Variants in CYRIB observed in about 807,000 individuals in gnomAD.
CYRIB encodes the protein CYFIP-related Rac1 interactor B.
In CYRIB, 8 loss-of-function variants were observed where a neutral mutation model predicts 44.2. The observed-to-expected ratio is 0.18, with a 90% CI of 0.11 to 0.33. The LOEUF is 0.33. CYRIB is among the 10% of genes least tolerant of loss of function. The pLI is 1.00. For synonymous variants in CYRIB, 131 were observed against 127.2 expected, an observed-to-expected ratio of 1.03 and a Z score of -0.20; for missense variants, 185 against 382.8, an observed-to-expected ratio of 0.48 and a Z score of 4.31.
At position 129,850,688 on chromosome 8, in the gene CYRIB, G is replaced by C. The variant is rs1406535888; in HGVS notation, c.713+147C>G. 5 of 671,688 alleles carry C rather than the reference G, an allele frequency of 7.4e-6. No homozygotes were observed. The African/African-American group carries it at 9.2e-5, about 12-fold the overall frequency. The allele number at this position is 671,688 out of a possible 1,614,324, so 41.6% of individuals were successfully genotyped here. A position where few individuals can be genotyped will look rare whatever the true frequency, so the allele number is the denominator to read the frequency against. On this transcript the variant is annotated intron_variant, in intron 9 of 11. Coordinates refer to ENST00000519824, the Ensembl canonical transcript of CYRIB. ...TAAATAGCCAAATTATTTTAAGTTT[G>C]TTCATATATTAACATTCAATATTTG... is the stretch of plus-strand genomic sequence containing the variant.
At chr8:129,892,528 A>G (rs1209075304) in intron 2 of CYRIB, among the ~76,000 whole-genome samples, 2 of 151,750 alleles carry the variant, frequency 1.3e-5, no homozygotes, top group African/African-American at 2.4e-5. Flanking sequence ...CTTTCTTTAT[A>G]TATCATGCTG....
chr8:129,867,287 C>CTT lies in CYRIB; in HGVS notation c.195+4086_195+4087dup, dbSNP rs747961490. On this transcript the variant is annotated intron_variant, in intron 4 of 11. Transcript: ENST00000519824. ...TACAGGCATGTGCCACCACACCTGG[C>CTT]TTTTTTTTTTTTTTTTTAGTAGAGA... 3.8e-3 allele frequency among the ~76,000 whole-genome samples: 501 copies of CTT among 131,106 alleles called. 6 individuals are homozygous for CTT. Among genetic ancestry groups the CTT allele is most frequent in the African/African-American group, 0.013 (468 of 36,314 alleles). 86.0% of individuals were successfully genotyped at this position (131,106 alleles called of 152,430 possible).
chr8:129,960,962 A>G (rs544511512), intron 2 of CYRIB, among the ~76,000 whole-genome samples: 15 of 150,020 alleles, frequency 1.0e-4, no homozygotes, highest in African/African-American at 1.5e-4. Flanking sequence ...AAAAAAAAAA[A>G]AAAGAAAGAA....
exon 7 of CYRIB, chr8:129,854,339 G>A (rs1377677107): frequency 1.9e-6 from 3 of 1,605,840 alleles, no homozygotes; most frequent in Non-Finnish European, 2.5e-6. Flanking sequence ...GGCAGGATTT[G>A]TCATCTGAAG....
At chr8:129,862,430 TG>T in intron 4 of CYRIB, 96 bp from the exon 7 acceptor site, 1 of 890,932 alleles carries the variant, frequency 1.1e-6, no homozygotes, top group Non-Finnish European at 1.8e-6. Context: ...TAGGAAACAC[TG>T]GTATAATCCA....
At chr8:129,903,714 G>A (rs140951782) in intron 1 of CYRIB, among the ~76,000 whole-genome samples, 4 of 152,260 alleles carry the variant, frequency 2.6e-5, no homozygotes, top group Non-Finnish European at 4.4e-5. Flanking sequence ...TACAGCAGGG[G>A]CCTAAAACTA....
intron 2 of CYRIB, among the ~76,000 whole-genome samples, chr8:129,947,127 G>A (rs1048871023): frequency 7.9e-5 from 12 of 151,684 alleles, no homozygotes; most frequent in East Asian, 3.9e-4. Flanking sequence ...GTGCGATCTC[G>A]GCTCACTGCA....
intron 2 of CYRIB, among the ~76,000 whole-genome samples, chr8:129,952,076 G>A (rs1020807282): frequency 1.7e-4 from 26 of 152,152 alleles, no homozygotes; most frequent in African/African-American, 1.9e-4. Flanking sequence ...ACAGAGCTTC[G>A]CTCTTGTTGC....
At chr8:129,861,607 TTTTG>T (rs1436834448) in intron 5 of CYRIB, among the ~76,000 whole-genome samples, 62 of 151,390 alleles carry the variant, frequency 4.1e-4, no homozygotes, top group African/African-American at 1.4e-3. Flanking sequence ...CTCAGCTTAT[TTTTG>T]TTTGTTTGTT....
At chr8:130,001,158 T>A (rs947959953) in intron 1 of CYRIB, among the ~76,000 whole-genome samples, 2 of 152,102 alleles carry the variant, frequency 1.3e-5, no homozygotes, top group African/African-American at 4.8e-5. Flanking sequence ...GCCGCTGGGG[T>A]GCCTTCGTCT....
At chr8:129,911,504 T>TA (rs2077987834) in intron 1 of CYRIB, among the ~76,000 whole-genome samples, 1 of 151,934 alleles carries the variant, frequency 6.6e-6, no homozygotes, top group Non-Finnish European at 1.5e-5. Context: ...AATGATTCTT[T>TA]AAAAAAATAA....
rs192518494 is a variant in CYRIB, at chr8:129,851,082, G to A, written c.634-168C>T. The A allele has an allele frequency of 2.8e-3, 1,663 of 589,574 alleles. 3 individuals carry two copies. The highest frequency in any genetic ancestry group is 4.4e-3 in the Non-Finnish European group (1,456 of 334,038). The allele number at this position is 589,574 out of a possible 1,614,324, so 36.5% of individuals were successfully genotyped here. On this transcript the variant is annotated intron_variant, in intron 8 of 11. Transcript: ENST00000519824. Reference sequence around the variant, plus strand: ...TCTAAGCAACTGTTCCAAGCACTGGGGATACAGCTATGAGCAAGACAGCGA... The same window carrying A: ...TCTAAGCAACTGTTCCAAGCACTGGAGATACAGCTATGAGCAAGACAGCGA...
chr8:129,862,202 G>A, intron 5 of CYRIB, 27 bp downstream of exon 7: 3 of 1,477,554 alleles, frequency 2.0e-6, no homozygotes, highest in Non-Finnish European at 2.8e-6. Context: ...CACTAGGGAA[G>A]TCACAATTAC....
intron 10 of CYRIB, among the ~76,000 whole-genome samples, chr8:129,848,043 T>A (rs1269641181): frequency 6.6e-6 from 1 of 152,122 alleles, no homozygotes; most frequent in Non-Finnish European, 1.5e-5. Flanking sequence ...TAACCTTAGG[T>A]GATCCGCCTG....
intron 1 of CYRIB, among the ~76,000 whole-genome samples, chr8:129,991,943 C>CA (rs35897320): frequency 0.068 from 1,301 of 19,170 alleles, 396 homozygotes; most frequent in African/African-American, 0.15. Flanking sequence ...AGCAGAGTCG[C>CA]AAAAAAAAAA....
intron 11 of CYRIB, among the ~76,000 whole-genome samples, chr8:129,846,358 T>C (rs1438331321): frequency 6.6e-6 from 1 of 152,228 alleles, no homozygotes; most frequent in Non-Finnish European, 1.5e-5. Context: ...AGATAACTAC[T>C]ACATAGAGCT....
At chr8:129,918,796 T>C (rs987831400) in intron 1 of CYRIB, among the ~76,000 whole-genome samples, 16 of 152,234 alleles carry the variant, frequency 1.1e-4, no homozygotes, top group Admixed American at 7.2e-4. Context: ...ATAATATAAG[T>C]ACATTAGAAT....
intron 1 of CYRIB, among the ~76,000 whole-genome samples, chr8:129,938,099 T>G (rs2093131130): frequency 6.6e-6 from 1 of 152,102 alleles, no homozygotes; most frequent in African/African-American, 2.4e-5. Flanking sequence ...TCTCGTTCGT[T>G]ATTATGGATA....
chr8:130,001,309 C>T (rs2096901796), intron 1 of CYRIB, among the ~76,000 whole-genome samples: 1 of 152,062 alleles, frequency 6.6e-6, no homozygotes, highest in South Asian at 2.1e-4. Flanking sequence ...CATCCTTGCT[C>T]CCTGGACGTC....
Sources: gnomAD v4.1 joint callset for allele counts (sites outside exome capture counted in the v4.1 genomes callset) on GRCh38, gnomAD v4.1.1 for gene constraint, MANE v1.5 for transcripts, NCBI Gene and HGNC (gene_info 2026-07-23, HGNC 2026-07-21) for gene names.